LIN52: variants seen among roughly 807,000 people sequenced by gnomAD.
LIN52 encodes the protein protein lin-52 homolog.
Under a neutral mutation model 18.5 loss-of-function variants are expected in LIN52, and 4 were observed. The observed-to-expected ratio is 0.22, with a 90% CI of 0.11 to 0.49. The LOEUF (loss-of-function observed/expected upper bound fraction) is 0.49, where lower values mean the gene tolerates loss of function less well. LIN52 is among the 20% of genes least tolerant of loss of function. LIN52 has a pLI of 0.97. For missense variants in LIN52, 102 were observed against 139.5 expected (o/e 0.73, Z 1.35); for synonymous variants, 34 against 45.5 (o/e 0.75, Z 1.02).
chr14:74,143,078 T>A (rs1233488479), intron 5 of LIN52, among the ~76,000 whole-genome samples: 1 of 151,834 alleles, frequency 6.6e-6, no homozygotes, highest in East Asian at 2.0e-4. Context: ...CACAAATCAG[T>A]TCCCTGAAGC....
At chr14:74,103,074 G>A (rs1166743436) in intron 5 of LIN52, among the ~76,000 whole-genome samples, 1 of 152,034 alleles carries the variant, frequency 6.6e-6, no homozygotes, top group Non-Finnish European at 1.5e-5. Flanking sequence ...ACTTTCTTTT[G>A]CTGTTTTGTT....
Position 74,194,314 on chromosome 14 carries a change from G to A in LIN52, c.284-4608G>A, listed in dbSNP as rs145698308. Among the ~76,000 whole-genome samples the A allele has an allele frequency of 3.2e-3, 484 of 152,292 alleles. 4 individuals carry two copies. Among genetic ancestry groups the A allele is most frequent in the African/African-American group, 0.011 (468 of 41,544 alleles). On this transcript the variant is annotated intron_variant, in intron 5 of 5. Coordinates refer to ENST00000555028, the MANE Select transcript of LIN52 (RefSeq NM_001024674.3). ...AGAAGGCAGTTTGGGGATAGTTATCGTGGAAAGTGAGCCAGAAGCAAGGCT... is the reference window on the plus strand; with the variant it reads ...AGAAGGCAGTTTGGGGATAGTTATCATGGAAAGTGAGCCAGAAGCAAGGCT...
intron 5 of LIN52, among the ~76,000 whole-genome samples, chr14:74,133,023 A>C (rs1402867751): frequency 1.3e-5 from 2 of 152,162 alleles, no homozygotes; most frequent in Non-Finnish European, 2.9e-5. Flanking sequence ...TTAAAAAAAA[A>C]AACAACCCAT....
chr14:74,158,105 C>CTATATA (rs1015989772), intron 5 of LIN52, among the ~76,000 whole-genome samples: 2 of 92,752 alleles, frequency 2.2e-5, no homozygotes, highest in South Asian at 5.1e-4. Flanking sequence ...ATCATCACTG[C>CTATATA]TATATATATA....
At chr14:74,120,941 G>A (rs1402037408) in intron 5 of LIN52, among the ~76,000 whole-genome samples, 1 of 151,886 alleles carries the variant, frequency 6.6e-6, no homozygotes, top group African/African-American at 2.4e-5. Flanking sequence ...GCCAGGCTCA[G>A]TGGTATGCAC....
intron 1 of LIN52, 47 bp downstream of exon 1, chr14:74,085,040 C>A: frequency 7.4e-7 from 1 of 1,344,132 alleles, no homozygotes; most frequent in Non-Finnish European, 9.7e-7. Context: ...CTTCTTTGCT[C>A]TACTGGGAAC....
At chr14:74,106,979 T>C (rs1182129489) in intron 5 of LIN52, among the ~76,000 whole-genome samples, 1 of 152,214 alleles carries the variant, frequency 6.6e-6, no homozygotes, top group Non-Finnish European at 1.5e-5. Flanking sequence ...GGATAAAATT[T>C]AGGCCCCTTA....
At chr14:74,190,463 C>T (rs1486866289) in intron 5 of LIN52, among the ~76,000 whole-genome samples, 3 of 145,636 alleles carry the variant, frequency 2.1e-5, no homozygotes, top group African/African-American at 5.2e-5. Context: ...GCGATCTCAG[C>T]TCACTGCAAC....
intron 5 of LIN52, among the ~76,000 whole-genome samples, chr14:74,139,268 G>A (rs775456227): frequency 6.6e-6 from 1 of 152,200 alleles, no homozygotes; most frequent in South Asian, 2.1e-4. Flanking sequence ...TTGGCTATCT[G>A]TTAATACAGA....
chr14:74,138,573 C>T (rs957978536), intron 5 of LIN52, among the ~76,000 whole-genome samples: 14 of 151,940 alleles, frequency 9.2e-5, no homozygotes, highest in Admixed American at 7.9e-4. Context: ...GACAGCATAG[C>T]GAGTCTCCAT....
intron 5 of LIN52, among the ~76,000 whole-genome samples, chr14:74,173,724 A>G (rs988215238): frequency 6.6e-6 from 1 of 152,264 alleles, no homozygotes; most frequent in Non-Finnish European, 1.5e-5. Context: ...AAGTCAAAAT[A>G]TAGTATCTTT....
intron 5 of LIN52, among the ~76,000 whole-genome samples, chr14:74,140,929 T>A (rs917690901): frequency 1.5e-4 from 23 of 152,106 alleles, no homozygotes; most frequent in Non-Finnish European, 8.8e-5. Context: ...GTTGTGTGCG[T>A]TTTTCTCTTC....
At chr14:74,125,108 A>T (rs1037360555) in intron 5 of LIN52, among the ~76,000 whole-genome samples, 1 of 152,218 alleles carries the variant, frequency 6.6e-6, no homozygotes, top group African/African-American at 2.4e-5. Flanking sequence ...AGCATGTTTT[A>T]TAATCCTCTG....
intron 5 of LIN52, among the ~76,000 whole-genome samples, chr14:74,116,326 A>G (rs1417885428): frequency 2.0e-4 from 31 of 151,756 alleles, no homozygotes; most frequent in Admixed American, 2.0e-3. Flanking sequence ...TAAAAAAAAT[A>G]CATAATAAAA....
intron 5 of LIN52, among the ~76,000 whole-genome samples, chr14:74,178,777 C>G (rs1361302548): frequency 2.6e-5 from 4 of 151,618 alleles, no homozygotes; most frequent in Non-Finnish European, 5.9e-5. Flanking sequence ...TGTAGTTCTT[C>G]TACCTTCAAA....
At chr14:74,167,720 G>C (rs1218480549) in intron 5 of LIN52, among the ~76,000 whole-genome samples, 7 of 152,010 alleles carry the variant, frequency 4.6e-5, no homozygotes, top group Non-Finnish European at 1.0e-4. Flanking sequence ...TTATAGAGAT[G>C]GGGGAGGGTC....
At chr14:74,179,890 A>G (rs144153397) in intron 5 of LIN52, among the ~76,000 whole-genome samples, 190 of 152,262 alleles carry the variant, frequency 1.2e-3, no homozygotes, top group African/African-American at 4.3e-3. Flanking sequence ...ATATAGGCTA[A>G]TGGTTTTCAG....
rs563611337 is a variant in LIN52 at position 74,197,898 on chromosome 14, C to T, written c.284-1024C>T. Reference sequence around the variant, plus strand: ...GACTTGGGAAAGGCAACAAGGAGGCCAGGGTGAAGGTCCTTCTCATTCCTG... The same window carrying T: ...GACTTGGGAAAGGCAACAAGGAGGCTAGGGTGAAGGTCCTTCTCATTCCTG... On this transcript the variant is annotated intron_variant, in intron 5 of 5. Coordinates refer to ENST00000555028, the MANE Select transcript of LIN52 (RefSeq NM_001024674.3). 8.5e-5 allele frequency among the ~76,000 whole-genome samples: 13 copies of T among 152,290 alleles called. No homozygotes were observed. In the South Asian group the frequency reaches 2.3e-3, roughly 27 times the overall value.
intron 5 of LIN52, among the ~76,000 whole-genome samples, chr14:74,152,757 C>T (rs537506228): frequency 7.2e-5 from 11 of 151,816 alleles, no homozygotes; most frequent in Admixed American, 2.6e-4. Flanking sequence ...GTCAGGAGTT[C>T]GAGACCAGCC....
Sources: gnomAD v4.1 joint callset for allele counts (sites outside exome capture counted in the v4.1 genomes callset) on GRCh38, gnomAD v4.1.1 for gene constraint, MANE v1.5 for transcripts, NCBI Gene and HGNC (gene_info 2026-07-23, HGNC 2026-07-21) for gene names.